The following APBB2 variants were observed in gnomAD, a reference collection of about 807,000 sequenced individuals.
APBB2 encodes the protein Fe65-like 1.
APBB2 carries 38 observed loss-of-function variants against 82.5 expected under a neutral mutation model. That is an observed-to-expected ratio of 0.46 (90% CI 0.36 to 0.60). The LOEUF is 0.60. Ranked by LOEUF, APBB2 falls within the 20% of genes least tolerant of loss-of-function variation. The pLI is 0.00. For synonymous variants in APBB2, 341 were observed against 368.2 expected (o/e 0.93, Z 0.85); for missense variants, 772 against 972.3 (o/e 0.79, Z 2.74).
chr4:41,166,502 C>T (rs1041439952), intron 1 of APBB2, among the ~76,000 whole-genome samples: 8 of 151,284 alleles, frequency 5.3e-5, no homozygotes, highest in Non-Finnish European at 1.0e-4. Context: ...CACGTGAGTC[C>T]AGGAGGTGGA....
Position 41,013,778 on chromosome 4 carries a change from G to A in APBB2, c.640C>T (p.Pro214Ser), listed in dbSNP as rs1809075677. Residue 214 changes from proline to serine, a missense_variant, in exon 6 of 18, where the codon CCC (proline) becomes TCC (serine). Coordinates refer to ENST00000508593, the MANE Select transcript of APBB2 (RefSeq NM_004307.2). The stretch of plus-strand genomic sequence containing the variant: ...TGGCCGTCTTCAGGGCTGGACTGGG[G>A]TCTGTTTGGTTTCTGCAGCAGCAAA... ...GDLLLQKPNR[P>S]QSSPEDGQVA... 1 of 1,614,194 alleles carries A rather than the reference G, an allele frequency of 6.2e-7. No individual in the cohort carries two copies. Among genetic ancestry groups the A allele is most frequent in the African/African-American group, 1.3e-5 (1 of 75,050 alleles).
intron 3 of APBB2, among the ~76,000 whole-genome samples, chr4:41,066,691 C>T (rs946204149): frequency 7.2e-5 from 11 of 152,168 alleles, no homozygotes; most frequent in Admixed American, 2.0e-4. Context: ...GGTAAGAAAC[C>T]GCATGGTATA....
At chr4:40,865,154 G>A (rs1763754098) in intron 12 of APBB2, among the ~76,000 whole-genome samples, 1 of 152,022 alleles carries the variant, frequency 6.6e-6, no homozygotes, top group African/African-American at 2.4e-5. Context: ...CACCACGCCT[G>A]GTCCTTTCAA....
At chr4:40,882,125 C>G (rs1768804128) in intron 12 of APBB2, among the ~76,000 whole-genome samples, 1 of 152,088 alleles carries the variant, frequency 6.6e-6, no homozygotes, top group Non-Finnish European at 1.5e-5. Flanking sequence ...AGACAGAAAC[C>G]ACACCAGTCA....
chr4:41,109,745 C>G (rs899207876), intron 2 of APBB2, among the ~76,000 whole-genome samples: 1 of 152,152 alleles, frequency 6.6e-6, no homozygotes, highest in Non-Finnish European at 1.5e-5. Flanking sequence ...GCTGGGATTA[C>G]AGCCGTGAGC....
intron 3 of APBB2, among the ~76,000 whole-genome samples, chr4:41,067,157 C>T (rs1285355970): frequency 2.0e-5 from 3 of 152,192 alleles, no homozygotes; most frequent in Non-Finnish European, 4.4e-5. Flanking sequence ...CGCCTGTAAT[C>T]CCAGCACTTT....
chr4:41,202,907 A>G (rs1445371733), intron 1 of APBB2, among the ~76,000 whole-genome samples: 1 of 152,202 alleles, frequency 6.6e-6, no homozygotes, highest in Non-Finnish European at 1.5e-5. Context: ...TCGTATAAAA[A>G]TCATTTAAAT....
intron 6 of APBB2, among the ~76,000 whole-genome samples, chr4:40,958,938 A>C (rs890412433): frequency 5.6e-4 from 85 of 152,236 alleles, no homozygotes; most frequent in Non-Finnish European, 1.1e-3. Flanking sequence ...AGTAGAGATC[A>C]CATCATATTT....
chr4:40,912,641 G>A (rs963526965), intron 10 of APBB2, among the ~76,000 whole-genome samples: 1 of 151,842 alleles, frequency 6.6e-6, no homozygotes, highest in Non-Finnish European at 1.5e-5. Context: ...CTCTGAGAGT[G>A]ACTGTGGAAA....
chr4:41,123,304 G>T (rs1753430303), intron 2 of APBB2, among the ~76,000 whole-genome samples: 1 of 152,112 alleles, frequency 6.6e-6, no homozygotes, highest in Non-Finnish European at 1.5e-5. Context: ...GAATGATTCG[G>T]TCGGTCAGAG....
chr4:40,921,701 C>T (rs1470633895), intron 10 of APBB2, among the ~76,000 whole-genome samples: 1 of 152,234 alleles, frequency 6.6e-6, no homozygotes, highest in African/African-American at 2.4e-5. Flanking sequence ...TACAAATACG[C>T]TCTAGGTTGC....
intron 4 of APBB2, among the ~76,000 whole-genome samples, chr4:41,038,660 T>C (rs567288114): frequency 1.3e-5 from 2 of 152,336 alleles, no homozygotes; most frequent in South Asian, 2.1e-4. Context: ...TACCTTCAAA[T>C]AGCTACTTCC....
rs1403988517 is a variant in APBB2, at chr4:41,154,071, T to TA, written c.-416-10930dup. On this transcript the variant is annotated intron_variant, in intron 1 of 17. Transcript: ENST00000508593. ...TCTTTATATACTTCACCACCCTTGA[T>TA]ACATTTATCATTCTCTCCATAAATG... Among the ~76,000 whole-genome samples, 4 of 152,352 alleles carry TA rather than the reference T, an allele frequency of 2.6e-5. 1 individual carries two copies. Among genetic ancestry groups the TA allele is most frequent in the South Asian group, 4.1e-4 (2 of 4,828 alleles).
intron 12 of APBB2, among the ~76,000 whole-genome samples, chr4:40,886,094 C>G (rs556803318): frequency 5.9e-5 from 9 of 152,306 alleles, no homozygotes; most frequent in South Asian, 4.1e-4. Flanking sequence ...TGGCGAAGTA[C>G]ACAAGGATCT....
At chr4:40,918,946 GGTGA>G (rs775594304) in intron 10 of APBB2, among the ~76,000 whole-genome samples, 1 of 151,956 alleles carries the variant, frequency 6.6e-6, no homozygotes, top group Non-Finnish European at 1.5e-5. Context: ...AGAGCCTTGA[GGTGA>G]GTTTCTTTTT....
At position 40,832,694 on chromosome 4, in the gene APBB2, A is replaced by G. The variant is rs921790459; in HGVS notation, c.1530-2117T>C. ...CAGGACTCAGCTGAAGATGGGTGAG[A>G]GCCTGGAAGGTTCCTCGCACACACA... On this transcript the variant is annotated intron_variant, in intron 12 of 17. Coordinates refer to ENST00000508593, the MANE Select transcript of APBB2 (RefSeq NM_004307.2). This position sits in a 1 kb window ranked among gnomAD's most constrained non-coding sequence, Gnocchi z 4.8. Among the ~76,000 whole-genome samples the G allele has an allele frequency of 1.3e-5, 2 of 152,144 alleles. No homozygotes were observed. The highest frequency in any genetic ancestry group is 2.4e-5 in the African/African-American group (1 of 41,422).
At chr4:40,886,726 G>T (rs2154349339) in intron 12 of APBB2, among the ~76,000 whole-genome samples, 1 of 152,252 alleles carries the variant, frequency 6.6e-6, no homozygotes, top group Non-Finnish European at 1.5e-5. Context: ...GTCGCCAAGG[G>T]CAGAAATGCC....
At chr4:40,944,341 TTTCTAAAA>T (rs1480699945) in intron 7 of APBB2, among the ~76,000 whole-genome samples, 1 of 152,228 alleles carries the variant, frequency 6.6e-6, no homozygotes, top group Non-Finnish European at 1.5e-5. Context: ...CTGTTAATCG[TTTCTAAAA>T]TAATGTCACT....
intron 5 of APBB2, among the ~76,000 whole-genome samples, chr4:41,032,066 T>G (rs1717039521): frequency 6.6e-6 from 1 of 152,204 alleles, no homozygotes. Context: ...ATACCTCTGC[T>G]GAGCTTAGTG....
Sources: allele counts gnomAD v4.1 joint callset (sites outside exome capture counted in the v4.1 genomes callset), GRCh38; gene constraint gnomAD v4.1.1; non-coding constraint Gnocchi (gnomAD v3.1); transcripts MANE v1.5; gene names NCBI Gene and HGNC (gene_info 2026-07-23, HGNC 2026-07-21).